Variants in C1QTNF1 observed in about 807,000 individuals in gnomAD.
The protein encoded by C1QTNF1 is complement C1q tumor necrosis factor-related protein 1.
A neutral mutation model predicts 27.8 loss-of-function variants in C1QTNF1; 22 were observed. The ratio of observed to expected loss-of-function variants is 0.79; its 90% CI spans 0.56 to 1.13. The LOEUF (loss-of-function observed/expected upper bound fraction) is 1.13. C1QTNF1 is among the 50% of genes most tolerant of loss of function. The probability of loss-of-function intolerance (pLI) is 0.00; values close to 1 mark genes in which losing one functional copy is unlikely to be tolerated. For missense variants in C1QTNF1, 373 were observed against 380.2 expected (o/e 0.98, Z 0.16); for synonymous variants, 166 against 154.3 (o/e 1.08, Z -0.56).
At chr17:79,039,318 C>A (rs1200885388) in intron 1 of C1QTNF1, among the ~76,000 whole-genome samples, 2 of 152,160 alleles carry the variant, frequency 1.3e-5, no homozygotes, top group African/African-American at 4.8e-5. Flanking sequence ...CACAGGCTAG[C>A]CCCCCACCAC....
chr17:79,030,475 C>CT (rs1428319858), intron 1 of C1QTNF1, among the ~76,000 whole-genome samples: 33 of 109,144 alleles, frequency 3.0e-4, no homozygotes. Context: ...TTCTTTCTTT[C>CT]TTTCTTTCTT....
chr17:79,048,142 C>A lies in C1QTNF1; in HGVS notation c.*54C>A, dbSNP rs975875432. The A allele has an allele frequency of 1.1e-5, 15 of 1,426,674 alleles. No homozygotes were observed. The African/African-American group carries it at 1.6e-4, about 15-fold the overall frequency. The allele number at this position is 1,426,674 out of a possible 1,614,324, so 88.4% of individuals were successfully genotyped here. A position where few individuals can be genotyped will look rare whatever the true frequency, so the allele number is the denominator to read the frequency against. ...ACCTTCCACCCCTGCGCTGTGCTGA[C>A]CCCACCGCCTCTTCCCCGATCCCTG... On this transcript the variant is annotated 3_prime_UTR_variant, in exon 4 of 4. Coordinates refer to ENST00000579760, the MANE Select transcript of C1QTNF1 (RefSeq NM_030968.5).
At chr17:79,038,022 C>G (rs1455960982) in intron 1 of C1QTNF1, among the ~76,000 whole-genome samples, 2 of 151,142 alleles carry the variant, frequency 1.3e-5, no homozygotes, top group African/African-American at 4.9e-5. Context: ...CGGAGTCTCA[C>G]TCTGTTGCTC....
chr17:79,023,139 C>T (rs943730486), upstream of C1QTNF1: 1 of 152,132 alleles, frequency 6.6e-6, no homozygotes, highest in Non-Finnish European at 1.5e-5. Flanking sequence ...TCCCCATTTT[C>T]GCATCTCCTG....
chr17:79,047,284 A>G (rs570782982), intron 3 of C1QTNF1: 2 of 361,736 alleles, frequency 5.5e-6, no homozygotes, highest in South Asian at 2.9e-4. Context: ...AAAAAAAATT[A>G]TTGCTTCTGG....
At chr17:79,028,314 C>A (rs998950157) in intron 1 of C1QTNF1, among the ~76,000 whole-genome samples, 2 of 152,212 alleles carry the variant, frequency 1.3e-5, no homozygotes, top group African/African-American at 4.8e-5. Flanking sequence ...CTCAGCAAGA[C>A]ATCTGGATAA....
intron 1 of C1QTNF1, among the ~76,000 whole-genome samples, chr17:79,027,101 G>A (rs532836153): frequency 1.3e-5 from 2 of 152,010 alleles, no homozygotes; most frequent in East Asian, 3.9e-4. Context: ...CTGTGGCTGA[G>A]GCTCCAGAAC....
rs151272206 is a variant in C1QTNF1, at chr17:79,046,382, G to A, written c.156-173G>A. Among the ~76,000 whole-genome samples, 2 of 152,314 alleles carry A rather than the reference G, an allele frequency of 1.3e-5. No individual in the cohort carries two copies. The highest frequency in any genetic ancestry group is 2.9e-5 in the Non-Finnish European group (2 of 68,026). ...CAGAGGGCAGGGGGCTCGTTCGGTA[G>A]TGAGGATCCCAGAGTGGGCCGTGAG... is the stretch of plus-strand genomic sequence containing the variant. On this transcript the variant is annotated intron_variant, in intron 2 of 3. Transcript: ENST00000579760. The surrounding 1 kb of genome is among the most constrained non-coding windows in gnomAD (Gnocchi z 4.8).
At chr17:79,044,166 G>C (rs2072505068) in intron 2 of C1QTNF1, 43 bp downstream of exon 2, 15 of 1,522,872 alleles carry the variant, frequency 9.8e-6, no homozygotes, top group Middle Eastern at 2.4e-4. Context: ...TCTGGCTCTG[G>C]CCAGGCTGAG....
At chr17:79,029,140 A>T (rs1455252920) in intron 1 of C1QTNF1, among the ~76,000 whole-genome samples, 2 of 152,192 alleles carry the variant, frequency 1.3e-5, no homozygotes, top group Non-Finnish European at 2.9e-5. Context: ...TGCTGGATAC[A>T]GTCCTCGAAG....
chr17:79,030,447 C>CTTAT (rs1568060838), intron 1 of C1QTNF1, among the ~76,000 whole-genome samples: 1 of 146,760 alleles, frequency 6.8e-6, no homozygotes, highest in Non-Finnish European at 1.5e-5. Flanking sequence ...CTCTCTCTTT[C>CTTAT]TTCTTTCTTT....
Position 79,046,997 on chromosome 17 carries a change from C to T in C1QTNF1, c.295+303C>T, listed in dbSNP as rs1312546785. 14 of 374,850 alleles carry T rather than the reference C, an allele frequency of 3.7e-5. No individual in the cohort carries two copies. The highest frequency in any genetic ancestry group is 1.0e-4 in the African/African-American group (5 of 49,086). The allele number at this position is 374,850 out of a possible 1,614,324, so 23.2% of individuals were successfully genotyped here. A position where few individuals can be genotyped will look rare whatever the true frequency, so the allele number is the denominator to read the frequency against. On this transcript the variant is annotated intron_variant, in intron 3 of 3. Transcript: ENST00000579760. The surrounding 1 kb of genome is among the most constrained non-coding windows in gnomAD (Gnocchi z 4.8). ...GTATGTGGACGCCAGGCTTCTAGGC[C>T]CTTTGCTTTGGGGCTTGGTCCCCCA...
At chr17:79,032,517 G>A (rs1305152519) in intron 1 of C1QTNF1, among the ~76,000 whole-genome samples, 1 of 152,186 alleles carries the variant, frequency 6.6e-6, no homozygotes, top group African/African-American at 2.4e-5. Context: ...AGCAGCGTGG[G>A]AGACAGATGG....
chr17:79,037,142 T>C (rs1442749512), intron 1 of C1QTNF1, among the ~76,000 whole-genome samples: 1 of 152,124 alleles, frequency 6.6e-6, no homozygotes, highest in Non-Finnish European at 1.5e-5. Context: ...TTTGTTTTTG[T>C]TTTTTTGAGA....
chr17:79,043,953 A>T lies in C1QTNF1; in HGVS notation c.-14-2A>T, dbSNP rs777701295. On this transcript the variant is annotated splice_acceptor_variant, in intron 1 of 3. Transcript: ENST00000579760. LOFTEE classifies it low-confidence loss of function (5UTR_SPLICE). ...CTTCCCTGTGTGTTTCTTTCCCACC[A>T]GGGCCCGGCAGGAAGATGGGCTCCC... is the stretch of plus-strand genomic sequence containing the variant. 4 of 1,613,352 alleles carry T rather than the reference A, an allele frequency of 2.5e-6. No homozygotes were observed. Among genetic ancestry groups the T allele is most frequent in the East Asian group, 4.5e-5 (2 of 44,870 alleles).
In C1QTNF1 at chr17:79,030,095, G is replaced by C. The variant is rs760766778; in HGVS notation, c.-15+5601G>C. 2.6e-5 allele frequency among the ~76,000 whole-genome samples: 4 copies of C among 152,018 alleles called. No individual in the cohort carries two copies. The South Asian group carries it at 8.3e-4, about 31-fold the overall frequency. ...ATCCTACTCTTCTATGCATCTAGTC[G>C]AGTTTCCTGGAATAAACAAAATGCT... On this transcript the variant is annotated intron_variant, in intron 1 of 3. Coordinates refer to ENST00000579760, the MANE Select transcript of C1QTNF1 (RefSeq NM_030968.5).
chr17:79,034,287 T>C (rs1031726562), intron 1 of C1QTNF1: 1 of 152,382 alleles, frequency 6.6e-6, no homozygotes, highest in African/African-American at 2.4e-5. Context: ...CAGCTGTTGG[T>C]GCCTCTTCTC....
At chr17:79,031,339 C>T (rs545549818) in intron 1 of C1QTNF1, among the ~76,000 whole-genome samples, 3 of 152,046 alleles carry the variant, frequency 2.0e-5, no homozygotes, top group Admixed American at 1.3e-4. Context: ...AGAAAGAACG[C>T]GTTTACTGGT....
intron 1 of C1QTNF1, among the ~76,000 whole-genome samples, chr17:79,032,208 T>G (rs2072155364): frequency 6.6e-6 from 1 of 152,076 alleles, no homozygotes; most frequent in African/African-American, 2.4e-5. Context: ...CACACCCAGG[T>G]CTGGGCAACT....
Sources: gnomAD v4.1 joint callset for allele counts (sites outside exome capture counted in the v4.1 genomes callset) on GRCh38, gnomAD v4.1.1 for gene constraint, Gnocchi (gnomAD v3.1) non-coding constraint, MANE v1.5 for transcripts, NCBI Gene and HGNC (gene_info 2026-07-23, HGNC 2026-07-21) for gene names.